TNIK: variants seen among roughly 807,000 people sequenced by gnomAD.
TNIK encodes TRAF2 and NCK interacting kinase.
Under a neutral mutation model 191.3 loss-of-function variants are expected in TNIK, and 49 were observed. The ratio of observed to expected loss-of-function variants is 0.26; its 90% CI spans 0.20 to 0.32. TNIK has a LOEUF of 0.32. Among genes scored for constraint, TNIK ranks in the 10% least tolerant of loss-of-function variants. TNIK has a pLI of 1.00. For missense variants in TNIK, 1,155 were observed against 1,702.3 expected, an observed-to-expected ratio of 0.68 and a Z score of 5.66; for synonymous variants, 594 against 600.9, an observed-to-expected ratio of 0.99 and a Z score of 0.17.
chr3:171,291,724 A>T (rs1235166815), intron 2 of TNIK, among the ~76,000 whole-genome samples: 2 of 152,026 alleles, frequency 1.3e-5, no homozygotes, highest in Non-Finnish European at 2.9e-5. Flanking sequence ...ACATTTTTGT[A>T]TTTATCTTAT....
intron 30 of TNIK, 99 bp downstream of exon 30, chr3:171,068,749 A>T: frequency 8.2e-7 from 1 of 1,221,158 alleles, no homozygotes; most frequent in Non-Finnish European, 1.1e-6. Context: ...TGGTTAGTAA[A>T]GTGTGCATGA....
chr3:171,259,678 G>A (rs568611189), intron 2 of TNIK, among the ~76,000 whole-genome samples: 1 of 152,192 alleles, frequency 6.6e-6, no homozygotes, highest in South Asian at 2.1e-4. Context: ...TAGAAATTAA[G>A]GCAAAAAACT....
chr3:171,076,543 G>C (rs566901555), intron 28 of TNIK, among the ~76,000 whole-genome samples: 10 of 152,002 alleles, frequency 6.6e-5, no homozygotes, highest in Admixed American at 1.3e-4. Flanking sequence ...AAGTTCCTCC[G>C]CCGCTCCTTT....
chr3:171,415,555 T>C (rs1421033950), intron 1 of TNIK, among the ~76,000 whole-genome samples: 1 of 151,938 alleles, frequency 6.6e-6, no homozygotes, highest in African/African-American at 2.4e-5. Context: ...ACAACTAAGA[T>C]AAATGCACAA....
intron 3 of TNIK, among the ~76,000 whole-genome samples, chr3:171,220,218 A>T (rs1227593666): frequency 6.6e-6 from 1 of 152,094 alleles, no homozygotes; most frequent in Non-Finnish European, 1.5e-5. Flanking sequence ...CAGGGAGGAG[A>T]ATATCACACA....
chr3:171,276,894 G>A (rs17407478), intron 2 of TNIK, among the ~76,000 whole-genome samples: 30,994 of 152,066 alleles, frequency 0.2, 3,401 homozygotes, highest in South Asian at 0.25. Context: ...TGAGGATATC[G>A]GAAAACTAAA....
chr3:171,127,793 A>C (rs1213182150), intron 16 of TNIK, among the ~76,000 whole-genome samples: 1 of 152,234 alleles, frequency 6.6e-6, no homozygotes. Context: ...AACACAAAGA[A>C]TACTTGATTT....
intron 1 of TNIK, among the ~76,000 whole-genome samples, chr3:171,410,320 C>T (rs981657595): frequency 1.3e-5 from 2 of 152,234 alleles, no homozygotes; most frequent in Admixed American, 6.5e-5. Flanking sequence ...GGCTTTTTCA[C>T]TCACATGTCT....
At chr3:171,326,143 C>A (rs764437445) in intron 2 of TNIK, among the ~76,000 whole-genome samples, 4 of 151,960 alleles carry the variant, frequency 2.6e-5, no homozygotes, top group Non-Finnish European at 5.9e-5. Context: ...CCACCCAGAA[C>A]CTTGAATAGA....
chr3:171,288,151 C>T (rs1751232149), intron 2 of TNIK, among the ~76,000 whole-genome samples: 1 of 118,498 alleles, frequency 8.4e-6, no homozygotes, highest in African/African-American at 3.4e-5. Context: ...GGGAATATCA[C>T]ACTCTGGGGA....
intron 5 of TNIK, among the ~76,000 whole-genome samples, chr3:171,193,991 T>A (rs1219462101): frequency 6.6e-6 from 1 of 152,190 alleles, no homozygotes; most frequent in Non-Finnish European, 1.5e-5. Context: ...TTTAAGTGAT[T>A]AGGTCACAAA....
intron 1 of TNIK, among the ~76,000 whole-genome samples, chr3:171,439,834 C>T (rs953513892): frequency 6.6e-6 from 1 of 152,186 alleles, no homozygotes; most frequent in Admixed American, 6.5e-5. Context: ...CTGGCCTGTG[C>T]CACCCACCCA....
At chr3:171,088,261 T>C (rs1328668501) in intron 23 of TNIK, among the ~76,000 whole-genome samples, 1 of 150,908 alleles carries the variant, frequency 6.6e-6, no homozygotes, top group Non-Finnish European at 1.5e-5. Flanking sequence ...TGAGATGGAC[T>C]CTTCACTCTG....
chr3:171,366,783 C>A lies in TNIK; in HGVS notation c.123+2837G>T, dbSNP rs1288399761. Among the ~76,000 whole-genome samples the A allele has an allele frequency of 2.0e-5, 3 of 152,122 alleles. No homozygotes were observed. The highest frequency in any genetic ancestry group is 4.4e-5 in the Non-Finnish European group (3 of 68,008). The stretch of plus-strand genomic sequence containing the variant: ...CGTCTTGAATTGTAGTTCCCGTAAT[C>A]CCCATGTGTCATGGGAGAGACCAGG... On this transcript the variant is annotated intron_variant, in intron 2 of 32. Transcript: ENST00000436636. This position sits in a 1 kb window ranked among gnomAD's most constrained non-coding sequence, Gnocchi z 4.1.
At chr3:171,079,755 G>GTT in intron 27 of TNIK, 103 bp from the exon 28 acceptor site, 1 of 1,353,556 alleles carries the variant, frequency 7.4e-7, no homozygotes, top group Admixed American at 2.6e-5. Flanking sequence ...ACGTGTGTGT[G>GTT]TGTGTGTATG....
chr3:171,101,654 C>G, intron 21 of TNIK, 21 bp from the exon 22 acceptor site: 2 of 1,610,758 alleles, frequency 1.2e-6, no homozygotes, highest in Non-Finnish European at 1.7e-6. Context: ...AAAATTTGTT[C>G]AGCATATGAG....
At chr3:171,184,994 G>A (rs952066058) in intron 7 of TNIK, among the ~76,000 whole-genome samples, 1 of 152,168 alleles carries the variant, frequency 6.6e-6, no homozygotes, top group Non-Finnish European at 1.5e-5. Flanking sequence ...AGTGGGATAA[G>A]GGGGTAAGCC....
At position 171,126,029 on chromosome 3, in the gene TNIK, G is replaced by A. The variant is rs748021676; in HGVS notation, c.1896C>T (p.Arg632=). ...FQEALNVTSH[R]VEMPRQNSDP... Reference sequence around the variant, plus strand: ...CTGAGTTCTGGCGTGGCATCTCCACGCGGTGGGAGGTCACGTTCAGAGCCT... The same window carrying A: ...CTGAGTTCTGGCGTGGCATCTCCACACGGTGGGAGGTCACGTTCAGAGCCT... The change falls in exon 17 of 33, where the codon CGC becomes CGT. Residue 632 remains arginine, a synonymous_variant. Transcript: ENST00000436636. The A allele has an allele frequency of 1.7e-5, 28 of 1,613,822 alleles. No individual in the cohort carries two copies. The highest frequency in any genetic ancestry group is 2.1e-5 in the Non-Finnish European group (25 of 1,179,890).
At chr3:171,430,140 C>T (rs1283873669) in intron 1 of TNIK, among the ~76,000 whole-genome samples, 1 of 152,072 alleles carries the variant, frequency 6.6e-6, no homozygotes, top group African/African-American at 2.4e-5. Context: ...TTGATCTTGT[C>T]AACTAAATAA....
Sources: allele counts gnomAD v4.1 joint callset (sites outside exome capture counted in the v4.1 genomes callset), GRCh38; gene constraint gnomAD v4.1.1; non-coding constraint Gnocchi (gnomAD v3.1); transcripts MANE v1.5; gene names NCBI Gene and HGNC (gene_info 2026-07-23, HGNC 2026-07-21).